ABCC4: variants seen among roughly 807,000 people sequenced by gnomAD.
The protein encoded by ABCC4 is ATP binding cassette subfamily C member 4 (PEL blood group), also known as ATP-binding cassette sub-family C member 4.
In ABCC4, 102 loss-of-function variants were observed where a neutral mutation model predicts 168.5. The observed-to-expected ratio is 0.61, with a 90% CI of 0.52 to 0.71. The LOEUF (loss-of-function observed/expected upper bound fraction) is 0.71. ABCC4 is among the 30% of genes least tolerant of loss of function. The pLI, the probability that ABCC4 is intolerant of heterozygous loss-of-function variation, is 0.00. For synonymous variants in ABCC4, 617 were observed against 590.7 expected (o/e 1.04, Z -0.65); for missense variants, 1,402 against 1,605.8 (o/e 0.87, Z 2.17).
intron 4 of ABCC4, among the ~76,000 whole-genome samples, chr13:95,214,900 A>C (rs956553458): frequency 4.6e-5 from 7 of 151,810 alleles, no homozygotes; most frequent in Non-Finnish European, 1.0e-4. Context: ...AAAAAAAAAA[A>C]AAACACCTGT....
At chr13:95,275,203 G>A (rs2138895072) in intron 1 of ABCC4, among the ~76,000 whole-genome samples, 1 of 152,308 alleles carries the variant, frequency 6.6e-6, no homozygotes, top group South Asian at 2.1e-4. Flanking sequence ...ATAGTAAATG[G>A]TATGAAGTTT....
chr13:95,064,532 T>G (rs199896085), intron 25 of ABCC4, among the ~76,000 whole-genome samples: 58 of 141,856 alleles, frequency 4.1e-4, no homozygotes, highest in African/African-American at 9.6e-4. Flanking sequence ...TGTGTGTGTG[T>G]GGGGCTTATG....
intron 10 of ABCC4, 21 bp downstream of exon 10, chr13:95,188,432 C>T (rs374845343): frequency 6.8e-6 from 11 of 1,612,954 alleles, no homozygotes; most frequent in Non-Finnish European, 7.6e-6. Flanking sequence ...CAACAAGCTG[C>T]CAAAAGCCAT....
At chr13:95,215,315 C>T (rs1402451727) in intron 4 of ABCC4, among the ~76,000 whole-genome samples, 1 of 152,034 alleles carries the variant, frequency 6.6e-6, no homozygotes, top group Non-Finnish European at 1.5e-5. Context: ...GTGGGAGAAT[C>T]GCTTGAACCC....
At chr13:95,030,666 C>T (rs955325027) in intron 30 of ABCC4, among the ~76,000 whole-genome samples, 12 of 152,068 alleles carry the variant, frequency 7.9e-5, no homozygotes, top group African/African-American at 2.9e-4. Context: ...GAACAGACCC[C>T]GTGAACATAT....
rs199702034 is a variant in ABCC4 at position 95,115,987 on chromosome 13, G to A, written c.2470C>T (p.Arg824Cys). ...AAGTGTCCAATGTCTTTGGAGAAACGATTTAAAATTCTTCCTGCAAGAACA... is the reference window on the plus strand; with the variant it reads ...AAGTGTCCAATGTCTTTGGAGAAACAATTTAAAATTCTTCCTGCAAGAACA... ...DRNPIGRILN[R>C]FSKDIGHLDD... is the part of the protein sequence containing the mutation. The change falls in exon 20 of 31, where the codon CGT becomes TGT. Residue 824 changes from arginine (R) to cysteine (C), a missense_variant. By Grantham distance (180) the Arg-to-Cys change is radical. Around this residue, in one of 3 missense-constraint regions of ABCC4, gnomAD observed 1,007 missense variants for 1,127.3 expected, o/e 0.89. Transcript: ENST00000645237. 6.2e-6 allele frequency: 10 copies of A among 1,611,638 alleles called. No individual in the cohort carries two copies. In the Admixed American group the frequency reaches 6.7e-5, roughly 11 times the overall value.
chr13:95,142,610 A>G (rs2036355999), intron 19 of ABCC4, among the ~76,000 whole-genome samples: 1 of 152,026 alleles, frequency 6.6e-6, no homozygotes, highest in South Asian at 2.1e-4. Context: ...AAATTTAACA[A>G]AAGATCATGA....
chr13:95,132,169 G>A lies in ABCC4; in HGVS notation c.2456-16168C>T, dbSNP rs115180765. On this transcript the variant is annotated intron_variant, in intron 19 of 30. Transcript: ENST00000645237. Reference sequence around the variant, plus strand: ...AATACCAATATCTGCAAATGCTCAAGTCCATTTGCATATAACATACAGACA... The same window carrying A: ...AATACCAATATCTGCAAATGCTCAAATCCATTTGCATATAACATACAGACA... Among the ~76,000 whole-genome samples the A allele has an allele frequency of 2.5e-3, 381 of 152,242 alleles. 2 individuals are homozygous for A. The highest frequency in any genetic ancestry group is 8.7e-3 in the African/African-American group (361 of 41,542).
intron 1 of ABCC4, among the ~76,000 whole-genome samples, chr13:95,295,320 A>G (rs1296268497): frequency 6.6e-6 from 1 of 151,782 alleles, no homozygotes; most frequent in East Asian, 2.0e-4. Context: ...GTTTAAGACC[A>G]ACATGGGCAA....
intron 19 of ABCC4, among the ~76,000 whole-genome samples, chr13:95,130,366 A>T (rs1246332040): frequency 6.7e-6 from 1 of 149,816 alleles, no homozygotes; most frequent in Non-Finnish European, 1.5e-5. Context: ...GTGAATATTA[A>T]ATCTCTTTTT....
chr13:95,073,553 T>C (rs994884783), intron 23 of ABCC4: 3 of 312,070 alleles, frequency 9.6e-6, no homozygotes, highest in African/African-American at 4.3e-5. Flanking sequence ...TAATTAACAG[T>C]ATTACAAACG....
At chr13:95,040,674 G>A (rs1307012037) in intron 29 of ABCC4, among the ~76,000 whole-genome samples, 1 of 152,178 alleles carries the variant, frequency 6.6e-6, no homozygotes, top group East Asian at 1.9e-4. Flanking sequence ...TTCTTAAAGA[G>A]AAGTTCCATG....
chr13:95,071,945 C>T, intron 24 of ABCC4, 92 bp from the exon 25 acceptor site: 1 of 1,042,994 alleles, frequency 9.6e-7, no homozygotes, highest in Non-Finnish European at 1.3e-6. Flanking sequence ...TTCTTTCATA[C>T]ATAGTTGGTT....
intron 3 of ABCC4, among the ~76,000 whole-genome samples, chr13:95,239,164 CAAAA>C (rs67156942): frequency 6.8e-6 from 1 of 147,996 alleles, no homozygotes; most frequent in African/African-American, 2.5e-5. Flanking sequence ...ATGTAAACTG[CAAAA>C]AAAAAAAAAA....
At chr13:95,241,123 G>A (rs1288817627) in intron 3 of ABCC4, among the ~76,000 whole-genome samples, 2 of 152,124 alleles carry the variant, frequency 1.3e-5, no homozygotes, top group Admixed American at 6.5e-5. Context: ...CCAGCACTCT[G>A]GGAGGCCAAG....
chr13:95,205,752 G>C (rs891729179), intron 8 of ABCC4, among the ~76,000 whole-genome samples: 5 of 152,194 alleles, frequency 3.3e-5, no homozygotes, highest in African/African-American at 1.2e-4. Context: ...TGATCAGGTC[G>C]CTACGGCAGA....
At chr13:95,099,543 T>C (rs1286879356) in intron 20 of ABCC4, among the ~76,000 whole-genome samples, 3 of 152,248 alleles carry the variant, frequency 2.0e-5, no homozygotes, top group East Asian at 3.9e-4. Flanking sequence ...TTCATTCCCA[T>C]CCCTTTGGCC....
At chr13:95,160,999 C>T (rs2037079113) in intron 19 of ABCC4, among the ~76,000 whole-genome samples, 190 bp downstream of exon 19, 2 of 146,940 alleles carry the variant, frequency 1.4e-5, no homozygotes, top group South Asian at 2.2e-4. Context: ...ATGCCCCCCC[C>T]TCCCCCCGCA....
At chr13:95,214,483 T>G (rs1447982010) in intron 4 of ABCC4, among the ~76,000 whole-genome samples, 1 of 152,054 alleles carries the variant, frequency 6.6e-6, no homozygotes, top group Non-Finnish European at 1.5e-5. Flanking sequence ...GATCTATACC[T>G]AGACACACAT....
Sources: allele counts gnomAD v4.1 joint callset (sites outside exome capture counted in the v4.1 genomes callset), GRCh38; gene constraint gnomAD v4.1.1; regional missense constraint gnomAD v4.1.1; transcripts MANE v1.5; gene names NCBI Gene and HGNC (gene_info 2026-07-23, HGNC 2026-07-21).